The following RNF213 variants were observed in gnomAD, a reference collection of about 807,000 sequenced individuals.
RNF213 encodes ring finger protein 213.
Under a neutral mutation model 514.4 loss-of-function variants are expected in RNF213, and 341 were observed. That is an observed-to-expected ratio of 0.66 (90% CI 0.61 to 0.73). RNF213 has a LOEUF of 0.73. Ranked by LOEUF, RNF213 falls within the 30% of genes least tolerant of loss-of-function variation. The pLI is 0.00. For missense variants in RNF213, 5,767 were observed against 6,615.6 expected (o/e 0.87, Z 4.45); for synonymous variants, 2,655 against 2,658.2 (o/e 1.00, Z 0.04).
chr17:80,281,226 A>C (rs1380469158), intron 3 of RNF213, among the ~76,000 whole-genome samples: 11 of 54,854 alleles, frequency 2.0e-4, no homozygotes, highest in Admixed American at 2.6e-4. Flanking sequence ...CCCCACACAC[A>C]CCCCACTCAC....
intron 63 of RNF213, 92 bp from the exon 64 acceptor site, chr17:80,388,520 T>C (rs2080331164): frequency 1.2e-6 from 1 of 867,686 alleles, no homozygotes; most frequent in South Asian, 1.3e-5. Flanking sequence ...GGCACTACGC[T>C]GCAGTTTTCC....
At chr17:80,290,376 C>T (rs374808184) in intron 6 of RNF213, among the ~76,000 whole-genome samples, 194 bp from the exon 7 acceptor site, 27 of 148,160 alleles carry the variant, frequency 1.8e-4, no homozygotes, top group Middle Eastern at 3.5e-3. Context: ...TGTGTGAGTG[C>T]GTGCACGTGT....
intron 9 of RNF213, 21 bp downstream of exon 9, chr17:80,295,024 T>G: frequency 6.2e-7 from 1 of 1,613,506 alleles, no homozygotes; most frequent in Non-Finnish European, 8.5e-7. Flanking sequence ...TGCCACCAGC[T>G]GCTCTACCTG....
At chr17:80,360,562 A>T (rs1417114295) in intron 38 of RNF213, among the ~76,000 whole-genome samples, 1 of 152,140 alleles carries the variant, frequency 6.6e-6, no homozygotes, top group African/African-American at 2.4e-5. Context: ...GCCTTCTCAG[A>T]CTGGGGCACT....
chr17:80,334,076 C>T, intron 21 of RNF213, 29 bp from the exon 22 acceptor site: 1 of 1,536,880 alleles, frequency 6.5e-7, no homozygotes, highest in Non-Finnish European at 8.7e-7. Flanking sequence ...TTAATGAGTT[C>T]CAGTCCACAG....
Position 80,345,948 on chromosome 17 carries a change from TG to T in RNF213, c.7615del (p.Glu2539SerfsTer23), listed in dbSNP as rs1568103883. 1 of 1,614,224 alleles carries T rather than the reference TG, an allele frequency of 6.2e-7. No homozygotes were observed. Among genetic ancestry groups the T allele is most frequent in the Admixed American group, 1.7e-5 (1 of 60,026 alleles). On this transcript the variant is annotated frameshift_variant, in exon 29 of 68. Transcript: ENST00000582970. LOFTEE classifies it high-confidence loss of function. This position sits in a 1 kb window ranked among gnomAD's most constrained non-coding sequence, Gnocchi z 6.0. ...CACTCTGAGGAGATGATCTGCCGTT[TG>T]GAGTCAGCTGGTTTGGGCTACAGGG... ...RKHSEEMICR[L>X]ESAGLGYRVS...
chr17:80,368,903 C>CT (rs2079392406), intron 44 of RNF213, among the ~76,000 whole-genome samples: 1 of 152,252 alleles, frequency 6.6e-6, no homozygotes, highest in Non-Finnish European at 1.5e-5. Flanking sequence ...CCCTTCCCCC[C>CT]TTCTCAGGCC....
intron 37 of RNF213, among the ~76,000 whole-genome samples, chr17:80,359,351 C>T (rs1360198072): frequency 2.6e-5 from 4 of 151,500 alleles, no homozygotes; most frequent in Non-Finnish European, 5.9e-5. Flanking sequence ...CATAGTGAGA[C>T]CCCATCACTA....
chr17:80,279,199 T>C (rs952097788), intron 3 of RNF213, among the ~76,000 whole-genome samples: 1 of 152,176 alleles, frequency 6.6e-6, no homozygotes, highest in Non-Finnish European at 1.5e-5. Flanking sequence ...AGCTGTCCCC[T>C]TGGACACCTG....
In RNF213 at chr17:80,263,508, CTG is replaced by C; in HGVS notation, c.-108-63_-108-62del. The C allele has an allele frequency of 1.5e-6, 1 of 654,590 alleles. No homozygotes were observed. Among genetic ancestry groups the C allele is most frequent in the Non-Finnish European group, 2.8e-6 (1 of 354,586 alleles). The allele number at this position is 654,590 out of a possible 1,614,324, so 40.5% of individuals were successfully genotyped here. ...AGAGCGGGGAGGGGCTGGGCTTGGGCTGTGCTCCTGTTGGGTTTCCATTAACC... is the reference window on the plus strand; with the variant it reads ...AGAGCGGGGAGGGGCTGGGCTTGGGCTGCTCCTGTTGGGTTTCCATTAACC... On this transcript the variant is annotated intron_variant, in intron 1 of 67. Coordinates refer to ENST00000582970, the MANE Select transcript of RNF213 (RefSeq NM_001256071.3). This position sits in a 1 kb window ranked among gnomAD's most constrained non-coding sequence, Gnocchi z 4.9.
At chr17:80,295,088 T>G (rs2044886311) in intron 9 of RNF213, 85 bp downstream of exon 9, 1 of 1,519,704 alleles carries the variant, frequency 6.6e-7, no homozygotes, top group Admixed American at 1.7e-5. Context: ...CTTGACTCTG[T>G]GGGCCAGGTT....
chr17:80,290,919 CA>C (rs2044700356), intron 7 of RNF213, among the ~76,000 whole-genome samples, 191 bp downstream of exon 7: 1 of 152,002 alleles, frequency 6.6e-6, no homozygotes, highest in African/African-American at 2.4e-5. Flanking sequence ...AAGCGATTCT[CA>C]TGCCTCAGCT....
intron 44 of RNF213, 131 bp from the exon 45 acceptor site, chr17:80,369,371 C>T (rs2079417055): frequency 1.1e-6 from 1 of 905,630 alleles, no homozygotes; most frequent in East Asian, 2.4e-5. Context: ...GTACTCCAGC[C>T]TGGGCAACAA....
intron 8 of RNF213, among the ~76,000 whole-genome samples, chr17:80,293,785 C>T (rs985818297): frequency 6.6e-6 from 1 of 151,950 alleles, no homozygotes. Flanking sequence ...CAAGATCGTG[C>T]CACTGCACTC....
rs775031639 is a variant in RNF213 at position 80,353,470 on chromosome 17, AC to A, written c.10424-40del. 1.9e-6 allele frequency: 3 copies of A among 1,575,614 alleles called. No individual in the cohort carries two copies. The South Asian group carries it at 3.5e-5, about 18-fold the overall frequency. ...TGGCACCGCTGCCAGTCCCTGTGCC[AC>A]CTTCTGAGTGGTAACGCAATCACGT... is the stretch of plus-strand genomic sequence containing the variant. On this transcript the variant is annotated intron_variant, in intron 33 of 67. Transcript: ENST00000582970. This position sits in a 1 kb window ranked among gnomAD's most constrained non-coding sequence, Gnocchi z 5.0.
intron 2 of RNF213, among the ~76,000 whole-genome samples, chr17:80,268,354 G>GAAAAAAAAAAAAAAAAAAAAAAAA (rs898719348): frequency 1.4e-5 from 1 of 73,198 alleles, no homozygotes; most frequent in Non-Finnish European, 2.4e-5. Flanking sequence ...CCCTGTCTCA[G>GAAAAAAAAAAAAAAAAAAAAAAAA]AAAAAAAAAA....
rs780710467 is a variant in RNF213 at position 80,345,818 on chromosome 17, A to G, written c.7483A>G (p.Ile2495Val). 5.6e-6 allele frequency: 9 copies of G among 1,614,026 alleles called. No homozygotes were observed. The highest frequency in any genetic ancestry group is 7.6e-6 in the Non-Finnish European group (9 of 1,180,048). ...FFDEANTTEAISCIKEVLCDH... is the reference protein window; with the variant it reads ...FFDEANTTEAVSCIKEVLCDH... ...TGATGAAGCCAACACAACGGAAGCT[A>G]TAAGCTGTATCAAAGAAGTCCTGTG... The change falls in exon 29 of 68, where the codon ATA becomes GTA. Residue 2495 changes from isoleucine (I) to valine (V), a missense_variant. Ile to Val is a conservative substitution (Grantham distance 29). Transcript: ENST00000582970. This position sits in a 1 kb window ranked among gnomAD's most constrained non-coding sequence, Gnocchi z 6.0.
chr17:80,357,418 CCTGT>C (rs1402649475), intron 36 of RNF213, among the ~76,000 whole-genome samples: 1 of 152,202 alleles, frequency 6.6e-6, no homozygotes, highest in African/African-American at 2.4e-5. Context: ...TATCCATCCA[CCTGT>C]CTATCAGACA....
rs544647189 is a variant in RNF213 at position 80,286,123 on chromosome 17, C to CA, written c.262-1691dup. On this transcript the variant is annotated intron_variant, in intron 3 of 67. Transcript: ENST00000582970. ...CCCAAACGCACCAAGTGTGCCATTT[C>CA]AGCAGTGGTGCTTGCTCCCTGGAAT... 5.3e-5 allele frequency among the ~76,000 whole-genome samples: 8 copies of CA among 152,342 alleles called. No individual in the cohort carries two copies. In the South Asian group the frequency reaches 1.7e-3, roughly 32 times the overall value.
Sources: gnomAD v4.1 joint callset for allele counts (sites outside exome capture counted in the v4.1 genomes callset) on GRCh38, gnomAD v4.1.1 for gene constraint, Gnocchi (gnomAD v3.1) non-coding constraint, MANE v1.5 for transcripts, NCBI Gene and HGNC (gene_info 2026-07-23, HGNC 2026-07-21) for gene names.